The following DACH1 variants were observed in gnomAD, a reference collection of about 807,000 sequenced individuals.
The protein encoded by DACH1 is dachshund homolog 1.
A neutral mutation model predicts 54.2 loss-of-function variants in DACH1; 12 were observed. That is an observed-to-expected ratio of 0.22 (90% confidence interval 0.14 to 0.36). DACH1 has a LOEUF of 0.36. DACH1 is among the 10% of genes least tolerant of loss of function. The probability of loss-of-function intolerance (pLI) is 1.00; values close to 1 mark genes in which losing one functional copy is unlikely to be tolerated. For synonymous variants in DACH1, 386 were observed against 366.2 expected (o/e 1.05, Z -0.62); for missense variants, 805 against 929.8 (o/e 0.87, Z 1.75).
At chr13:71,675,565 A>T (rs1880512980) in intron 2 of DACH1, 2 of 761,020 alleles carry the variant, frequency 2.6e-6, no homozygotes, top group Admixed American at 5.1e-5. Flanking sequence ...AACGTTAGAT[A>T]TTTTTTTTCC....
At chr13:71,689,728 A>G (rs933046587) in intron 1 of DACH1, among the ~76,000 whole-genome samples, 6 of 152,300 alleles carry the variant, frequency 3.9e-5, no homozygotes, top group Middle Eastern at 3.4e-3. Flanking sequence ...AGAAAGAATT[A>G]AAACACATTG....
intron 3 of DACH1, among the ~76,000 whole-genome samples, chr13:71,606,123 G>A (rs1037793415): frequency 1.3e-5 from 2 of 151,960 alleles, no homozygotes; most frequent in African/African-American, 4.8e-5. Flanking sequence ...TTCTAGACTT[G>A]CAGTAATGTT....
intron 3 of DACH1, among the ~76,000 whole-genome samples, chr13:71,575,604 A>C (rs928812809): frequency 1.3e-5 from 2 of 152,192 alleles, no homozygotes; most frequent in East Asian, 3.9e-4. Context: ...ATTCTGATTA[A>C]ATCACTCTGA....
chr13:71,643,594 G>A (rs1187013126), intron 2 of DACH1, among the ~76,000 whole-genome samples: 13 of 152,298 alleles, frequency 8.5e-5, no homozygotes, highest in Non-Finnish European at 7.4e-5. Flanking sequence ...TAACTCTACA[G>A]AAGGTCAAAG....
intron 2 of DACH1, among the ~76,000 whole-genome samples, chr13:71,665,353 CTCAA>C (rs1428629350): frequency 7.2e-5 from 11 of 152,008 alleles, no homozygotes; most frequent in South Asian, 6.2e-4. Context: ...TTTAAGATCT[CTCAA>C]TCTATCATTT....
intron 1 of DACH1, among the ~76,000 whole-genome samples, chr13:71,726,604 C>T (rs1031369993): frequency 1.3e-5 from 2 of 151,782 alleles, no homozygotes; most frequent in African/African-American, 4.8e-5. Flanking sequence ...GTAACTATTC[C>T]ACAGGAGTAT....
At chr13:71,750,345 C>G (rs1884871510) in intron 1 of DACH1, among the ~76,000 whole-genome samples, 1 of 152,186 alleles carries the variant, frequency 6.6e-6, no homozygotes, top group Non-Finnish European at 1.5e-5. Flanking sequence ...CTGTACCTTA[C>G]ACTGCCGCAA....
chr13:71,489,527 C>A lies in DACH1; in HGVS notation c.1571-379G>T, dbSNP rs565994754. On this transcript the variant is annotated intron_variant, in intron 6 of 10. Coordinates refer to ENST00000613252, the MANE Select transcript of DACH1 (RefSeq NM_080759.6). ...GATTGACAATAGAGTATTTCTAGAG[C>A]TCCATATAAGAGAGGGGCTTTGTAT... Among the ~76,000 whole-genome samples, 4 of 152,162 alleles carry A rather than the reference C, an allele frequency of 2.6e-5. No individual in the cohort carries two copies. The East Asian group carries it at 7.7e-4, about 29-fold the overall frequency.
Position 71,513,220 on chromosome 13 carries a change from T to G in DACH1, c.1571-24072A>C, listed in dbSNP as rs1026412364. On this transcript the variant is annotated intron_variant, in intron 6 of 10. Transcript: ENST00000613252. ...TTAAGTGGGTTAAACATGCTCATTG[T>G]CATCTTGTTTATACTAATAATTGGC... Among the ~76,000 whole-genome samples the G allele has an allele frequency of 2.0e-5, 3 of 152,104 alleles. No individual in the cohort carries two copies. The South Asian group carries it at 6.2e-4, about 32-fold the overall frequency.
intron 1 of DACH1, among the ~76,000 whole-genome samples, chr13:71,812,721 T>A (rs1332562074): frequency 6.6e-6 from 1 of 152,204 alleles, no homozygotes; most frequent in Non-Finnish European, 1.5e-5. Context: ...TTATTTAACT[T>A]GAGATTCCTC....
intron 1 of DACH1, among the ~76,000 whole-genome samples, chr13:71,706,996 A>G (rs1413068948): frequency 6.6e-6 from 1 of 152,236 alleles, no homozygotes; most frequent in Admixed American, 6.5e-5. Flanking sequence ...AGTCTTAGAT[A>G]AACACACATT....
In DACH1 at chr13:71,557,102, C is replaced by G. The variant is rs374225059; in HGVS notation, c.1492G>C (p.Val498Leu). Residue 498 changes from valine to leucine, a missense_variant, in exon 6 of 11, where the codon GTA becomes CTA. Physicochemically the swap from Val to Leu is conservative, Grantham distance 32. This residue lies in a region of DACH1 where 472 missense variants were observed against 545.3 expected (regional missense o/e 0.87). Transcript: ENST00000613252. ...TCTCCCTCTTTGGGCCCAGGAAGTA[C>G]ATTTGGTGATAAGCCCATCAGCATC... is the stretch of plus-strand genomic sequence containing the variant. ...NQMLMGLSPN[V>L]LPGPKEGDLA... 6.2e-7 allele frequency: 1 copy of G among 1,612,194 alleles called. No homozygotes were observed. The highest frequency in any genetic ancestry group is 8.5e-7 in the Non-Finnish European group (1 of 1,179,118).
chr13:71,464,953 A>C (rs1038141042), intron 10 of DACH1, among the ~76,000 whole-genome samples: 1 of 152,062 alleles, frequency 6.6e-6, no homozygotes, highest in African/African-American at 2.4e-5. Context: ...TGGCTGTGCT[A>C]ATATAGGGGA....
At chr13:71,466,907 A>C (rs893569768) in intron 10 of DACH1, among the ~76,000 whole-genome samples, 15 of 151,238 alleles carry the variant, frequency 9.9e-5, no homozygotes, top group Non-Finnish European at 1.8e-4. Context: ...ATTATGCCTA[A>C]ATTTTCTCTG....
intron 3 of DACH1, among the ~76,000 whole-genome samples, chr13:71,586,814 C>T (rs1873314208): frequency 6.6e-6 from 1 of 152,038 alleles, no homozygotes. Context: ...GCCATCAAAT[C>T]ATCATATTAT....
At chr13:71,583,811 GGTGACTGA>G (rs995092785) in intron 3 of DACH1, among the ~76,000 whole-genome samples, 1 of 152,094 alleles carries the variant, frequency 6.6e-6, no homozygotes, top group African/African-American at 2.4e-5. Context: ...TTCCAGCCTG[GGTGACTGA>G]GCAAGACCCT....
chr13:71,645,826 A>C (rs1878225386), intron 2 of DACH1, among the ~76,000 whole-genome samples: 1 of 152,182 alleles, frequency 6.6e-6, no homozygotes, highest in African/African-American at 2.4e-5. Context: ...AGCTTGACAT[A>C]GATCCTAGGG....
chr13:71,750,163 C>T (rs1345162307), intron 1 of DACH1, among the ~76,000 whole-genome samples: 5 of 152,158 alleles, frequency 3.3e-5, no homozygotes, highest in Admixed American at 6.5e-5. Context: ...CTCCCCACTC[C>T]ACTATACCGA....
At chr13:71,602,286 T>C (rs1321384534) in intron 3 of DACH1, among the ~76,000 whole-genome samples, 1 of 152,062 alleles carries the variant, frequency 6.6e-6, no homozygotes, top group East Asian at 1.9e-4. Flanking sequence ...AACTGCATAA[T>C]TGCAAGTCAC....
Sources: gnomAD v4.1 joint callset for allele counts (sites outside exome capture counted in the v4.1 genomes callset) on GRCh38, gnomAD v4.1.1 for gene constraint, gnomAD v4.1.1 regional missense constraint, MANE v1.5 for transcripts, NCBI Gene and HGNC (gene_info 2026-07-23, HGNC 2026-07-21) for gene names.